The following RIMS3 variants were observed in gnomAD, a reference collection of about 807,000 sequenced individuals.
RIMS3 encodes regulating synaptic membrane exocytosis 3, also known as regulating synaptic membrane exocytosis protein 3.
A neutral mutation model predicts 29.2 loss-of-function variants in RIMS3; 15 were observed. The ratio of observed to expected loss-of-function variants is 0.51; its 90% CI spans 0.34 to 0.79. RIMS3 has a LOEUF of 0.79. RIMS3 is among the 30% of genes least tolerant of loss of function. The pLI, the probability that RIMS3 is intolerant of heterozygous loss-of-function variation, is 0.01. For missense variants in RIMS3, 342 were observed against 421.4 expected (o/e 0.81, Z 1.65); for synonymous variants, 161 against 170.1 (o/e 0.95, Z 0.41).
chr1:40,673,354 G>A, the RIMS3 span: 1 of 152,168 alleles, frequency 6.6e-6, no homozygotes. Context: ...CAAAGGCCCA[G>A]GCAATAGCAG....
At chr1:40,691,927 G>T in the RIMS3 span, 3 of 337,920 alleles carry the variant, frequency 8.9e-6, no homozygotes, top group Non-Finnish European at 1.2e-5. Context: ...GCGGGGGGAG[G>T]GGCAGCGCTT....
the RIMS3 span, among the ~76,000 whole-genome samples, chr1:40,681,139 C>G: frequency 6.6e-6 from 1 of 152,172 alleles, no homozygotes; most frequent in Non-Finnish European, 1.5e-5. Flanking sequence ...TATCTTAAAA[C>G]CAAAAACAAA....
chr1:40,663,702 C>G (rs1642385127), intron 1 of RIMS3, among the ~76,000 whole-genome samples: 2 of 152,140 alleles, frequency 1.3e-5, no homozygotes, highest in Admixed American at 1.3e-4. Context: ...CCAGAAGCGT[C>G]GTTGAGCAAG....
At chr1:40,655,818 G>A (rs965060022) in intron 1 of RIMS3, among the ~76,000 whole-genome samples, 2 of 152,146 alleles carry the variant, frequency 1.3e-5, no homozygotes, top group African/African-American at 2.4e-5. Context: ...CAGCCTGGCC[G>A]ATATGGTCAA....
At chr1:40,647,228 C>A (rs921403179) in intron 2 of RIMS3, among the ~76,000 whole-genome samples, 1 of 152,096 alleles carries the variant, frequency 6.6e-6, no homozygotes, top group Admixed American at 6.5e-5. Context: ...TCAAGATGAA[C>A]CTAGCCACCC....
intron 1 of RIMS3, among the ~76,000 whole-genome samples, chr1:40,663,269 A>G (rs1024330594): frequency 4.6e-5 from 7 of 152,124 alleles, no homozygotes; most frequent in African/African-American, 1.4e-4. Flanking sequence ...CAAAAGGCCA[A>G]TGTGAGAGAC....
the RIMS3 span, among the ~76,000 whole-genome samples, chr1:40,684,588 A>G: frequency 5.9e-4 from 89 of 151,550 alleles, 2 homozygotes; most frequent in East Asian, 0.011. Context: ...AGAATTAAGG[A>G]TAAGAGAAAG....
At chr1:40,688,180 G>C in the RIMS3 span, among the ~76,000 whole-genome samples, 167 of 152,188 alleles carry the variant, frequency 1.1e-3, 1 homozygote, top group East Asian at 0.027. Flanking sequence ...GATCAGGCTG[G>C]TCTCGAACTC....
At chr1:40,676,967 A>T in the RIMS3 span, among the ~76,000 whole-genome samples, 1 of 151,268 alleles carries the variant, frequency 6.6e-6, no homozygotes, top group Non-Finnish European at 1.5e-5. Flanking sequence ...ATGTAAAATA[A>T]ATTATTCCTA....
Position 40,621,978 on chromosome 1 carries a change from G to C in RIMS3, c.*4539C>G, listed in dbSNP as rs1469756550. 2 of 152,634 alleles carry C rather than the reference G, an allele frequency of 1.3e-5. No individual in the cohort carries two copies. Among genetic ancestry groups the C allele is most frequent in the African/African-American group, 4.8e-5 (2 of 41,448 alleles). 9.5% of individuals were successfully genotyped at this position (152,634 alleles called of 1,614,324 possible). Reference sequence around the variant, plus strand: ...CTGCCCCAAGCCAATCTAGGCCCCTGAGAGAATGCAACTTTCTCTCACTGA... The same window carrying C: ...CTGCCCCAAGCCAATCTAGGCCCCTCAGAGAATGCAACTTTCTCTCACTGA... On this transcript the variant is annotated 3_prime_UTR_variant, in exon 8 of 8. Transcript: ENST00000372684.
chr1:40,645,173 T>C (rs1437706479), intron 2 of RIMS3, among the ~76,000 whole-genome samples: 1 of 152,222 alleles, frequency 6.6e-6, no homozygotes, highest in African/African-American at 2.4e-5. Flanking sequence ...GACTGGGGCC[T>C]ATGATGATCT....
At chr1:40,683,832 C>A in the RIMS3 span, among the ~76,000 whole-genome samples, 1 of 152,356 alleles carries the variant, frequency 6.6e-6, no homozygotes, top group East Asian at 1.9e-4. Context: ...TGTCCTCTGA[C>A]CTCTTTACCC....
intron 4 of RIMS3, among the ~76,000 whole-genome samples, chr1:40,634,949 A>C (rs2148346804): frequency 6.6e-6 from 1 of 152,132 alleles, no homozygotes; most frequent in South Asian, 2.1e-4. Flanking sequence ...CACAAAAAAA[A>C]AAAAAACAAA....
intron 1 of RIMS3, among the ~76,000 whole-genome samples, chr1:40,648,833 C>T (rs967351801): frequency 2.6e-5 from 4 of 152,182 alleles, no homozygotes; most frequent in African/African-American, 9.7e-5. Context: ...GCTGTGCCAG[C>T]ATCTCAGCTC....
chr1:40,659,504 C>T (rs1481093813), intron 1 of RIMS3, among the ~76,000 whole-genome samples: 1 of 152,108 alleles, frequency 6.6e-6, no homozygotes, highest in Admixed American at 6.5e-5. Flanking sequence ...CTGCAGCACT[C>T]CTCATCTAGT....
the RIMS3 span, among the ~76,000 whole-genome samples, chr1:40,686,581 C>T: frequency 5.9e-5 from 9 of 151,760 alleles, no homozygotes; most frequent in Admixed American, 1.3e-4. Context: ...GGCGTGAACC[C>T]GGGAGGCGGA....
At chr1:40,665,830 G>A (rs993275988), upstream of RIMS3, among the ~76,000 whole-genome samples, 4 of 152,178 alleles carry the variant, frequency 2.6e-5, no homozygotes, top group African/African-American at 9.6e-5. Context: ...TGTGGTTGGG[G>A]GACCTACATT....
intron 3 of RIMS3, among the ~76,000 whole-genome samples, chr1:40,637,859 G>A (rs1307613873): frequency 1.3e-5 from 2 of 152,142 alleles, no homozygotes; most frequent in Non-Finnish European, 2.9e-5. Context: ...GCCTCTCCCT[G>A]TCCGTGGCTC....
At chr1:40,629,789 G>A (rs1051084486) in intron 5 of RIMS3, among the ~76,000 whole-genome samples, 16 of 152,156 alleles carry the variant, frequency 1.1e-4, no homozygotes, top group East Asian at 3.9e-4. Flanking sequence ...AAGAACATCC[G>A]TTTGAGGCCG....
Sources: gnomAD v4.1 joint callset for allele counts (sites outside exome capture counted in the v4.1 genomes callset) on GRCh38, gnomAD v4.1.1 for gene constraint, MANE v1.5 for transcripts, NCBI Gene and HGNC (gene_info 2026-07-23, HGNC 2026-07-21) for gene names.